SH3GL2: variants seen among roughly 807,000 people sequenced by gnomAD.
SH3GL2 encodes the protein SH3 domain containing GRB2 like 2, endophilin A1, also known as endophilin-A1.
Under a neutral mutation model 46.0 loss-of-function variants are expected in SH3GL2, and 24 were observed. The observed-to-expected ratio is 0.52, with a 90% confidence interval of 0.38 to 0.73. SH3GL2 has a LOEUF of 0.73. SH3GL2 is among the 30% of genes least tolerant of loss of function. The probability of loss-of-function intolerance (pLI) is 0.00; values close to 1 mark genes in which losing one functional copy is unlikely to be tolerated. For synonymous variants in SH3GL2, 196 were observed against 147.1 expected (o/e 1.33, Z -2.40); for missense variants, 413 against 424.2 (o/e 0.97, Z 0.23).
chr9:17,726,453 C>T (rs759457474), intron 1 of SH3GL2, among the ~76,000 whole-genome samples: 8 of 152,262 alleles, frequency 5.3e-5, no homozygotes, highest in Non-Finnish European at 1.2e-4. Context: ...AGGAGTGATG[C>T]AAACAGTGTG....
At chr9:17,783,482 C>A (rs1026026758) in intron 3 of SH3GL2, among the ~76,000 whole-genome samples, 2 of 151,702 alleles carry the variant, frequency 1.3e-5, no homozygotes, top group South Asian at 4.2e-4. Flanking sequence ...AGCAGAGCTT[C>A]CATTTTATTC....
intron 1 of SH3GL2, among the ~76,000 whole-genome samples, chr9:17,671,576 T>C (rs1455190242): frequency 6.6e-6 from 1 of 152,160 alleles, no homozygotes; most frequent in Non-Finnish European, 1.5e-5. Flanking sequence ...TGCATGCTTG[T>C]ATCAAAACAT....
intron 1 of SH3GL2, among the ~76,000 whole-genome samples, chr9:17,741,626 C>T (rs1175646370): frequency 2.0e-5 from 3 of 152,170 alleles, no homozygotes; most frequent in East Asian, 3.8e-4. Context: ...CCTTATTTAA[C>T]TTACATGCAA....
intron 1 of SH3GL2, among the ~76,000 whole-genome samples, chr9:17,600,921 A>G (rs1818657377): frequency 6.6e-6 from 1 of 152,178 alleles, no homozygotes; most frequent in African/African-American, 2.4e-5. Flanking sequence ...GGCAACCTTA[A>G]TGAATTTTGG....
intron 2 of SH3GL2, among the ~76,000 whole-genome samples, chr9:17,756,822 A>G (rs1823007196): frequency 1.3e-5 from 2 of 152,032 alleles, no homozygotes; most frequent in Admixed American, 6.5e-5. Flanking sequence ...ATGATTTATA[A>G]TCCTTTGGGT....
At chr9:17,614,901 A>T (rs1818950073) in intron 1 of SH3GL2, among the ~76,000 whole-genome samples, 1 of 152,178 alleles carries the variant, frequency 6.6e-6, no homozygotes, top group African/African-American at 2.4e-5. Context: ...TCACAGACTC[A>T]AGTTTCCCCA....
chr9:17,659,212 T>C (rs1433339371), intron 1 of SH3GL2, among the ~76,000 whole-genome samples: 1 of 152,148 alleles, frequency 6.6e-6, no homozygotes, highest in African/African-American at 2.4e-5. Context: ...TGGGATCCCA[T>C]ATTATAGAGA....
chr9:17,683,469 G>A (rs1168657195), intron 1 of SH3GL2, among the ~76,000 whole-genome samples: 1 of 152,010 alleles, frequency 6.6e-6, no homozygotes, highest in Non-Finnish European at 1.5e-5. Flanking sequence ...ATTTCAGCTA[G>A]GGGAAAGGAA....
chr9:17,731,934 T>G (rs536097283), intron 1 of SH3GL2, among the ~76,000 whole-genome samples: 47 of 152,140 alleles, frequency 3.1e-4, no homozygotes, highest in Non-Finnish European at 4.7e-4. Context: ...CAGTGACTAT[T>G]TTTAAATGAA....
intron 1 of SH3GL2, among the ~76,000 whole-genome samples, chr9:17,676,114 G>C (rs1820602472): frequency 6.6e-6 from 1 of 152,112 alleles, no homozygotes; most frequent in South Asian, 2.1e-4. Context: ...ATACATTCTG[G>C]TTTAGGGGCT....
At chr9:17,788,855 T>C (rs1824037975) in intron 5 of SH3GL2, among the ~76,000 whole-genome samples, 1 of 152,172 alleles carries the variant, frequency 6.6e-6, no homozygotes, top group Non-Finnish European at 1.5e-5. Context: ...GCCCCCACCC[T>C]AGATATCGAT....
intron 1 of SH3GL2, among the ~76,000 whole-genome samples, chr9:17,744,441 C>T (rs1431958772): frequency 6.6e-6 from 1 of 152,002 alleles, no homozygotes; most frequent in Non-Finnish European, 1.5e-5. Flanking sequence ...TCACGGCTCA[C>T]TGTGGCCTCA....
intron 3 of SH3GL2, among the ~76,000 whole-genome samples, chr9:17,770,076 G>A (rs950663935): frequency 1.8e-4 from 27 of 152,144 alleles, no homozygotes; most frequent in Admixed American, 1.4e-3. Flanking sequence ...GGTAAGTGTC[G>A]TGGTCTGCAG....
rs1303212678 is a variant in SH3GL2 at position 17,616,450 on chromosome 9, A to G, written c.45+37163A>G. ...GGAGAAATCTACCCAAACTGATCCA[A>G]TATACACTGAGCTAATGAAGGAAGG... On this transcript the variant is annotated intron_variant, in intron 1 of 8. Coordinates refer to ENST00000380607, the MANE Select transcript of SH3GL2 (RefSeq NM_003026.5). 3.3e-5 allele frequency among the ~76,000 whole-genome samples: 5 copies of G among 152,190 alleles called. No homozygotes were observed. The South Asian group carries it at 6.2e-4, about 19-fold the overall frequency.
At chr9:17,583,177 T>G (rs1272758144) in intron 1 of SH3GL2, among the ~76,000 whole-genome samples, 1 of 152,192 alleles carries the variant, frequency 6.6e-6, no homozygotes, top group Non-Finnish European at 1.5e-5. Context: ...AAGAGGACAG[T>G]TCAGCCTATA....
At chr9:17,626,465 C>T (rs891374981) in intron 1 of SH3GL2, among the ~76,000 whole-genome samples, 1 of 152,196 alleles carries the variant, frequency 6.6e-6, no homozygotes, top group African/African-American at 2.4e-5. Context: ...TTATTTCCTG[C>T]TCTGTTTTTG....
chr9:17,728,711 T>G (rs1462468270), intron 1 of SH3GL2, among the ~76,000 whole-genome samples: 2 of 152,162 alleles, frequency 1.3e-5, no homozygotes, highest in East Asian at 3.9e-4. Context: ...CACTTATTAG[T>G]GAGAACATGC....
chr9:17,682,564 G>T (rs1820799972), intron 1 of SH3GL2, among the ~76,000 whole-genome samples: 1 of 151,952 alleles, frequency 6.6e-6, no homozygotes, highest in African/African-American at 2.4e-5. Context: ...TGTGGAGGGA[G>T]GCAAGGGGAG....
chr9:17,630,318 C>G (rs564376859), intron 1 of SH3GL2: 1 of 152,260 alleles, frequency 6.6e-6, no homozygotes, highest in East Asian at 1.9e-4. Context: ...TTTTCATTCA[C>G]AAATTGCTAA....
Sources: allele counts gnomAD v4.1 joint callset (sites outside exome capture counted in the v4.1 genomes callset), GRCh38; gene constraint gnomAD v4.1.1; transcripts MANE v1.5; gene names NCBI Gene and HGNC (gene_info 2026-07-23, HGNC 2026-07-21).